DACH1: variants seen among roughly 807,000 people sequenced by gnomAD.
DACH1 encodes dachshund homolog 1.
Under a neutral mutation model 54.2 loss-of-function variants are expected in DACH1, and 12 were observed. The ratio of observed to expected loss-of-function variants is 0.22; its 90% CI spans 0.14 to 0.36. The LOEUF (loss-of-function observed/expected upper bound fraction) is 0.36, where lower values mean the gene tolerates loss of function less well. DACH1 is among the 10% of genes least tolerant of loss of function. The pLI is 1.00. For synonymous variants in DACH1, 386 were observed against 366.2 expected (o/e 1.05, Z -0.62); for missense variants, 805 against 929.8 (o/e 0.87, Z 1.75).
At chr13:71,512,935 A>C (rs1880891662) in intron 6 of DACH1, among the ~76,000 whole-genome samples, 1 of 151,960 alleles carries the variant, frequency 6.6e-6, no homozygotes, top group Admixed American at 6.6e-5. Context: ...TTTAAAAAAT[A>C]ATTGACATAG....
At chr13:71,596,788 C>A (rs1312020882) in intron 3 of DACH1, among the ~76,000 whole-genome samples, 1 of 152,120 alleles carries the variant, frequency 6.6e-6, no homozygotes, top group Non-Finnish European at 1.5e-5. Context: ...GGGAAAATTA[C>A]ATTTTTGGCA....
In DACH1 at chr13:71,496,186, G is replaced by A. The variant is rs755086527; in HGVS notation, c.1571-7038C>T. Among the ~76,000 whole-genome samples, 69 of 148,214 alleles carry A rather than the reference G, an allele frequency of 4.7e-4. 1 individual carries two copies. Among genetic ancestry groups the A allele is most frequent in the South Asian group, 6.4e-4 (3 of 4,680 alleles). ...CTAGGGGGCAGAGGTTGCGGTGAGC[G>A]GAGATGGCACCACTGCACTCCAGCC... On this transcript the variant is annotated intron_variant, in intron 6 of 10. Coordinates refer to ENST00000613252, the MANE Select transcript of DACH1 (RefSeq NM_080759.6).
At chr13:71,611,834 C>CT (rs1875352107) in intron 3 of DACH1, among the ~76,000 whole-genome samples, 1 of 151,942 alleles carries the variant, frequency 6.6e-6, no homozygotes, top group Non-Finnish European at 1.5e-5. Flanking sequence ...TTTTTGCCTC[C>CT]TTTTTATTAT....
chr13:71,567,623 C>A (rs1327374772), intron 4 of DACH1, among the ~76,000 whole-genome samples: 1 of 151,822 alleles, frequency 6.6e-6, no homozygotes, highest in Non-Finnish European at 1.5e-5. Flanking sequence ...TAAAGACTTC[C>A]AAAGATTAAA....
intron 2 of DACH1, among the ~76,000 whole-genome samples, chr13:71,633,773 A>G (rs999527912): frequency 6.6e-6 from 1 of 152,036 alleles, no homozygotes; most frequent in African/African-American, 2.4e-5. Flanking sequence ...ATGGGTTCTC[A>G]ATTCTAATTA....
chr13:71,582,155 A>G (rs376732648), intron 3 of DACH1, among the ~76,000 whole-genome samples: 1 of 152,184 alleles, frequency 6.6e-6, no homozygotes, highest in Non-Finnish European at 1.5e-5. Context: ...ACCAAATTGC[A>G]TAATGTTTTA....
Position 71,438,584 on chromosome 13 carries a change from T to C in DACH1, c.*2071A>G. On this transcript the variant is annotated 3_prime_UTR_variant, in exon 11 of 11. Transcript: ENST00000613252. ...GGTCTTCAAATATGTATTTTAAAAC[T>C]ATTTAATCCACATAACAAACAGGTG... is the stretch of plus-strand genomic sequence containing the variant. 1 of 40,432 alleles carries C rather than the reference T, an allele frequency of 2.5e-5. No individual in the cohort carries two copies. The highest frequency in any genetic ancestry group is 1.1e-3 in the East Asian group (1 of 942). 2.5% of individuals were successfully genotyped at this position (40,432 alleles called of 1,614,324 possible).
intron 3 of DACH1, among the ~76,000 whole-genome samples, chr13:71,590,033 T>C (rs1873582779): frequency 6.6e-6 from 1 of 152,056 alleles, no homozygotes; most frequent in South Asian, 2.1e-4. Flanking sequence ...GTGTTTATGC[T>C]AAACATAAAT....
intron 1 of DACH1, among the ~76,000 whole-genome samples, chr13:71,732,584 T>TAAA (rs768740365): frequency 9.0e-6 from 1 of 110,624 alleles, no homozygotes; most frequent in African/African-American, 3.0e-5. Flanking sequence ...AGACTATTTC[T>TAAA]AAAAAAAAAA....
intron 1 of DACH1, 96 bp downstream of exon 1, chr13:71,865,826 G>C: frequency 7.5e-7 from 1 of 1,331,204 alleles, no homozygotes; most frequent in African/African-American, 1.5e-5. Flanking sequence ...CGGCTCGCGG[G>C]CGCGCAGAGC....
intron 1 of DACH1, among the ~76,000 whole-genome samples, chr13:71,810,997 T>C (rs1483867035): frequency 1.3e-5 from 2 of 152,054 alleles, no homozygotes; most frequent in Non-Finnish European, 2.9e-5. Context: ...ACCAGAACAT[T>C]TTTTTTCAAT....
In DACH1 at chr13:71,604,604, T is replaced by A. The variant is rs367939070; in HGVS notation, c.1126+25952A>T. The stretch of plus-strand genomic sequence containing the variant: ...TTTTAGGAATTAAAACTAATGAAGG[T>A]GACATAACTGAAACAAAAATATAAA... On this transcript the variant is annotated intron_variant, in intron 3 of 10. Coordinates refer to ENST00000613252, the MANE Select transcript of DACH1 (RefSeq NM_080759.6). Among the ~76,000 whole-genome samples the A allele has an allele frequency of 3.8e-4, 58 of 151,978 alleles. No homozygotes were observed. In the South Asian group the frequency reaches 9.1e-3, roughly 24 times the overall value.
intron 10 of DACH1, among the ~76,000 whole-genome samples, chr13:71,469,824 A>C (rs1219703434): frequency 2.6e-5 from 4 of 152,238 alleles, no homozygotes; most frequent in Non-Finnish European, 5.9e-5. Context: ...TTTTAATGTG[A>C]AGGCAAGTCT....
At chr13:71,511,815 T>A (rs1440488519) in intron 6 of DACH1, among the ~76,000 whole-genome samples, 1 of 151,984 alleles carries the variant, frequency 6.6e-6, no homozygotes, top group Non-Finnish European at 1.5e-5. Context: ...CCAGCAACTA[T>A]TGAAACCAAT....
intron 6 of DACH1, among the ~76,000 whole-genome samples, chr13:71,504,069 TAA>T (rs1179617819): frequency 2.0e-5 from 3 of 152,126 alleles, no homozygotes; most frequent in Non-Finnish European, 4.4e-5. Flanking sequence ...CTACTATATA[TAA>T]GTTAAAAATA....
At chr13:71,823,384 A>T (rs1375937497) in intron 1 of DACH1, among the ~76,000 whole-genome samples, 1 of 152,112 alleles carries the variant, frequency 6.6e-6, no homozygotes, top group East Asian at 1.9e-4. Flanking sequence ...ATACTAAAAA[A>T]TGACAATGGA....
At chr13:71,684,384 A>G (rs1244858924) in intron 1 of DACH1, among the ~76,000 whole-genome samples, 2 of 152,134 alleles carry the variant, frequency 1.3e-5, no homozygotes, top group African/African-American at 2.4e-5. Context: ...CGGCTTTTCC[A>G]ATTTCAACAC....
intron 2 of DACH1, among the ~76,000 whole-genome samples, chr13:71,670,144 C>T (rs1176753305): frequency 1.3e-5 from 2 of 151,998 alleles, no homozygotes; most frequent in Admixed American, 6.6e-5. Flanking sequence ...ATATCTTCAG[C>T]CATATATCAA....
chr13:71,744,755 T>A (rs1241174119), intron 1 of DACH1, among the ~76,000 whole-genome samples: 1 of 152,262 alleles, frequency 6.6e-6, no homozygotes, highest in East Asian at 1.9e-4. Context: ...TTTATGAGAA[T>A]CCATACAAAA....
Sources: gnomAD v4.1 joint callset for allele counts (sites outside exome capture counted in the v4.1 genomes callset) on GRCh38, gnomAD v4.1.1 for gene constraint, MANE v1.5 for transcripts, NCBI Gene and HGNC (gene_info 2026-07-23, HGNC 2026-07-21) for gene names.